Variants in ARHGAP15 observed in about 807,000 individuals in gnomAD.
ARHGAP15 encodes Rho GTPase activating protein 15, also known as rho GTPase-activating protein 15.
In ARHGAP15, 51 loss-of-function variants were observed where a neutral mutation model predicts 63.7. The ratio of observed to expected loss-of-function variants is 0.80; its 90% CI spans 0.64 to 1.01. The LOEUF (loss-of-function observed/expected upper bound fraction) is 1.01. Among genes scored for constraint, ARHGAP15 ranks in the 50% least tolerant of loss-of-function variants. The pLI is 0.00. For synonymous variants in ARHGAP15, 191 were observed against 193.8 expected, an observed-to-expected ratio of 0.99 and a Z score of 0.12; for missense variants, 560 against 564.6, an observed-to-expected ratio of 0.99 and a Z score of 0.08.
At chr2:143,765,144 TGTGG>T (rs1390997125) in intron 13 of ARHGAP15, among the ~76,000 whole-genome samples, 2 of 148,182 alleles carry the variant, frequency 1.3e-5, no homozygotes, top group African/African-American at 4.9e-5. Context: ...TGTGTGTGTG[TGTGG>T]TAAAATTAAT....
rs1444735698 is a variant in ARHGAP15, at chr2:143,261,608, A to G, written c.474+11008A>G. On this transcript the variant is annotated intron_variant, in intron 6 of 13. Transcript: ENST00000295095. ...AGGTGATTACCAGCCTTGGCCTCCC[A>G]TAGTGCTGGGATTACAGGCCTAAGC... is the stretch of plus-strand genomic sequence containing the variant. Among the ~76,000 whole-genome samples the G allele has an allele frequency of 5.9e-5, 9 of 151,714 alleles. 1 individual carries two copies. The highest frequency in any genetic ancestry group is 5.9e-4 in the Admixed American group (9 of 15,240).
chr2:143,651,413 A>T (rs1390702367), intron 12 of ARHGAP15, among the ~76,000 whole-genome samples: 1 of 151,948 alleles, frequency 6.6e-6, no homozygotes, highest in Non-Finnish European at 1.5e-5. Flanking sequence ...AAGTGATTTT[A>T]TTGCTAAGTA....
Position 143,613,353 on chromosome 2 carries a change from G to A in ARHGAP15, c.1004-10780G>A, listed in dbSNP as rs1307041587. ...AAGAAGAAATTAATCTTATTGGTAA[G>A]TAAAAAAGCAAATCCCATGGTTGAT... On this transcript the variant is annotated intron_variant, in intron 11 of 13. Transcript: ENST00000295095. 3.9e-5 allele frequency among the ~76,000 whole-genome samples: 6 copies of A among 152,164 alleles called. No homozygotes were observed. In the East Asian group the frequency reaches 1.2e-3, roughly 29 times the overall value.
chr2:143,436,436 CT>C (rs1689616244), intron 7 of ARHGAP15, among the ~76,000 whole-genome samples: 1 of 152,132 alleles, frequency 6.6e-6, no homozygotes. Flanking sequence ...AACAAATTTA[CT>C]TTTTCCTGTT....
intron 8 of ARHGAP15, among the ~76,000 whole-genome samples, chr2:143,480,343 T>A (rs1692021321): frequency 6.6e-6 from 1 of 152,198 alleles, no homozygotes; most frequent in Non-Finnish European, 1.5e-5. Flanking sequence ...TACTTAAAGT[T>A]GATAATGCAG....
At chr2:143,529,750 C>T (rs1694442098) in intron 10 of ARHGAP15, among the ~76,000 whole-genome samples, 1 of 152,188 alleles carries the variant, frequency 6.6e-6, no homozygotes, top group African/African-American at 2.4e-5. Context: ...GAATCACCTT[C>T]TCCAAGGAAT....
At chr2:143,425,645 T>A (rs1574431224) in intron 6 of ARHGAP15, among the ~76,000 whole-genome samples, 1 of 152,110 alleles carries the variant, frequency 6.6e-6, no homozygotes, top group South Asian at 2.1e-4. Context: ...GAATTACAAT[T>A]TTTCCACATT....
At chr2:143,623,156 G>A (rs935909933) in intron 11 of ARHGAP15, among the ~76,000 whole-genome samples, 10 of 152,170 alleles carry the variant, frequency 6.6e-5, no homozygotes, top group South Asian at 2.1e-4. Flanking sequence ...CGTCTGGCTC[G>A]ACAGCAGTGC....
chr2:143,651,491 G>C (rs759917922), intron 12 of ARHGAP15, among the ~76,000 whole-genome samples: 2 of 151,978 alleles, frequency 1.3e-5, no homozygotes, highest in Non-Finnish European at 2.9e-5. Flanking sequence ...GACATTTGGA[G>C]TGGTCAGTTT....
chr2:143,198,830 C>T (rs2105106083), intron 2 of ARHGAP15, among the ~76,000 whole-genome samples: 1 of 152,208 alleles, frequency 6.6e-6, no homozygotes. Flanking sequence ...CATTTACTTG[C>T]TACTTCTCTA....
chr2:143,495,681 G>A (rs1311757915), intron 9 of ARHGAP15, among the ~76,000 whole-genome samples: 1 of 151,516 alleles, frequency 6.6e-6, no homozygotes, highest in Admixed American at 6.6e-5. Context: ...AGACTTAACA[G>A]TCATGTTTAT....
chr2:143,344,695 T>C (rs138733062), intron 6 of ARHGAP15, among the ~76,000 whole-genome samples: 1 of 152,156 alleles, frequency 6.6e-6, no homozygotes, highest in African/African-American at 2.4e-5. Context: ...AAAAGAACAC[T>C]GTATCACATT....
chr2:143,384,770 C>G (rs1004250230), intron 6 of ARHGAP15, among the ~76,000 whole-genome samples: 1 of 152,126 alleles, frequency 6.6e-6, no homozygotes, highest in African/African-American at 2.4e-5. Flanking sequence ...GACATGAAGG[C>G]TCCTTGAAAG....
chr2:143,405,126 T>C (rs1242977650), intron 6 of ARHGAP15, among the ~76,000 whole-genome samples: 1 of 151,792 alleles, frequency 6.6e-6, no homozygotes, highest in East Asian at 1.9e-4. Context: ...TAATTTGTAA[T>C]GCAAATAAAT....
chr2:143,389,587 G>T (rs1687452918), intron 6 of ARHGAP15, among the ~76,000 whole-genome samples: 1 of 152,150 alleles, frequency 6.6e-6, no homozygotes, highest in Non-Finnish European at 1.5e-5. Context: ...GCAAATTGAG[G>T]CTTAGGCTGC....
chr2:143,643,592 C>T (rs1429380887), intron 12 of ARHGAP15, among the ~76,000 whole-genome samples: 1 of 151,962 alleles, frequency 6.6e-6, no homozygotes, highest in African/African-American at 2.4e-5. Context: ...TCTCTTTTTA[C>T]AAGCTCTCCA....
At chr2:143,549,724 AG>A (rs1354146136) in intron 10 of ARHGAP15, among the ~76,000 whole-genome samples, 1 of 152,222 alleles carries the variant, frequency 6.6e-6, no homozygotes, top group Non-Finnish European at 1.5e-5. Context: ...AAAGTGTCTC[AG>A]GTCTTCTCCA....
chr2:143,253,363 G>A (rs1421624705), intron 6 of ARHGAP15, among the ~76,000 whole-genome samples: 2 of 152,002 alleles, frequency 1.3e-5, no homozygotes, highest in Admixed American at 1.3e-4. Flanking sequence ...ACCAAAAATG[G>A]ACAGATTTCA....
intron 2 of ARHGAP15, among the ~76,000 whole-genome samples, chr2:143,183,142 A>G (rs573351936): frequency 6.6e-6 from 1 of 152,314 alleles, no homozygotes; most frequent in South Asian, 2.1e-4. Flanking sequence ...CTCACTGAAT[A>G]TGTATTCTCT....
Sources: allele counts gnomAD v4.1 joint callset (sites outside exome capture counted in the v4.1 genomes callset), GRCh38; gene constraint gnomAD v4.1.1; transcripts MANE v1.5; gene names NCBI Gene and HGNC (gene_info 2026-07-23, HGNC 2026-07-21).